The following ALCAM variants were observed in gnomAD, a reference collection of about 807,000 sequenced individuals.
ALCAM encodes the protein CD166 antigen.
Under a neutral mutation model 70.9 loss-of-function variants are expected in ALCAM, and 30 were observed. That is an observed-to-expected ratio of 0.42 (90% confidence interval 0.32 to 0.57). The LOEUF (loss-of-function observed/expected upper bound fraction) is 0.57. Ranked by LOEUF, ALCAM falls within the 20% of genes least tolerant of loss-of-function variation. The pLI, the probability that ALCAM is intolerant of heterozygous loss-of-function variation, is 0.11. For missense variants in ALCAM, 591 were observed against 695.1 expected (o/e 0.85, Z 1.68); for synonymous variants, 249 against 242.5 (o/e 1.03, Z -0.25).
chr3:105,488,629 G>C (rs1347321616), intron 1 of ALCAM, among the ~76,000 whole-genome samples: 1 of 149,206 alleles, frequency 6.7e-6, no homozygotes, highest in Non-Finnish European at 1.5e-5. Context: ...AGGAAGGAAG[G>C]TAGGAAGGAA....
chr3:105,383,297 A>G (rs935145433), intron 1 of ALCAM, among the ~76,000 whole-genome samples: 2 of 151,622 alleles, frequency 1.3e-5, no homozygotes, highest in African/African-American at 4.8e-5. Context: ...AGCTGTGTCT[A>G]CTTAATCTTT....
At chr3:105,470,352 CA>C (rs74893109) in intron 1 of ALCAM, among the ~76,000 whole-genome samples, 28,129 of 147,908 alleles carry the variant, frequency 0.19, 2,790 homozygotes, top group East Asian at 0.37. Flanking sequence ...CTTGATAACT[CA>C]AAAAAAAACA....
chr3:105,464,262 A>T (rs993104182), intron 1 of ALCAM, among the ~76,000 whole-genome samples: 4 of 151,424 alleles, frequency 2.6e-5, no homozygotes, highest in African/African-American at 9.7e-5. Flanking sequence ...TCAAATTTTT[A>T]AAATATTAAT....
At chr3:105,369,830 C>T (rs1935181060) in intron 1 of ALCAM, among the ~76,000 whole-genome samples, 1 of 152,162 alleles carries the variant, frequency 6.6e-6, no homozygotes, top group African/African-American at 2.4e-5. Flanking sequence ...TGCCACGTTA[C>T]CTGTTTTGAA....
intron 1 of ALCAM, among the ~76,000 whole-genome samples, chr3:105,469,108 G>C (rs1441338282): frequency 2.0e-5 from 3 of 151,112 alleles, no homozygotes; most frequent in African/African-American, 7.3e-5. Flanking sequence ...ATCATACACT[G>C]GATATTGTGA....
rs532299936 is a variant in ALCAM at position 105,422,666 on chromosome 3, C to T, written c.73+55185C>T. 1.1e-4 allele frequency among the ~76,000 whole-genome samples: 16 copies of T among 151,506 alleles called. No individual in the cohort carries two copies. The South Asian group carries it at 2.7e-3, about 26-fold the overall frequency. Reference sequence around the variant, plus strand: ...AGTATTGGATTTCTTTGTTGTATTACGGAGCAGAACATTCAATAATAATAA... The same window carrying T: ...AGTATTGGATTTCTTTGTTGTATTATGGAGCAGAACATTCAATAATAATAA... On this transcript the variant is annotated intron_variant, in intron 1 of 15. Coordinates refer to ENST00000306107, the MANE Select transcript of ALCAM (RefSeq NM_001627.4).
intron 4 of ALCAM, 99 bp downstream of exon 4, chr3:105,532,165 G>A (rs1229768906): frequency 9.7e-7 from 1 of 1,030,542 alleles, no homozygotes; most frequent in East Asian, 2.4e-5. Flanking sequence ...CTTTGCTCTT[G>A]TGGAGATGAC....
At chr3:105,432,549 G>GT (rs1936959687) in intron 1 of ALCAM, among the ~76,000 whole-genome samples, 1 of 151,858 alleles carries the variant, frequency 6.6e-6, no homozygotes, top group East Asian at 1.9e-4. Flanking sequence ...AAAGGTTTTT[G>GT]TTTTTTTAAT....
At chr3:105,397,208 G>A (rs1266670645) in intron 1 of ALCAM, among the ~76,000 whole-genome samples, 4 of 151,908 alleles carry the variant, frequency 2.6e-5, no homozygotes, top group Non-Finnish European at 5.9e-5. Flanking sequence ...TTATCTAACT[G>A]GCAATGTGAG....
intron 1 of ALCAM, among the ~76,000 whole-genome samples, chr3:105,474,696 A>C (rs187255523): frequency 2.2e-4 from 34 of 151,846 alleles, no homozygotes; most frequent in African/African-American, 6.5e-4. Context: ...AGTAAGTGAG[A>C]TCCATCTACT....
intron 1 of ALCAM, among the ~76,000 whole-genome samples, chr3:105,477,042 A>C (rs931328554): frequency 1.3e-5 from 2 of 152,078 alleles, no homozygotes; most frequent in African/African-American, 4.8e-5. Context: ...CCGTGTAAGA[A>C]GTGCCTTTTG....
intron 1 of ALCAM, among the ~76,000 whole-genome samples, chr3:105,436,608 T>C (rs1462298355): frequency 6.6e-6 from 1 of 152,232 alleles, no homozygotes; most frequent in Non-Finnish European, 1.5e-5. Flanking sequence ...ATTACAGGCA[T>C]GAGCCTGTAT....
At chr3:105,518,582 T>A (rs892992944) in intron 1 of ALCAM, among the ~76,000 whole-genome samples, 1 of 152,046 alleles carries the variant, frequency 6.6e-6, no homozygotes, top group Non-Finnish European at 1.5e-5. Context: ...AATAAAAAAA[T>A]TTCTTCATTT....
chr3:105,553,410 G>GGTTTTGCAATGTA (rs1360368303), intron 14 of ALCAM, among the ~76,000 whole-genome samples: 1 of 151,672 alleles, frequency 6.6e-6, no homozygotes, highest in Non-Finnish European at 1.5e-5. Context: ...TTCAAACATG[G>GGTTTTGCAATGTA]GTTTTAAACC....
At chr3:105,397,481 A>G (rs1436863340) in intron 1 of ALCAM, among the ~76,000 whole-genome samples, 1 of 151,938 alleles carries the variant, frequency 6.6e-6, no homozygotes, top group Non-Finnish European at 1.5e-5. Flanking sequence ...CCAAGTATAG[A>G]GATAATAGAT....
At chr3:105,557,827 G>C (rs1376775561) in intron 14 of ALCAM, among the ~76,000 whole-genome samples, 2 of 152,068 alleles carry the variant, frequency 1.3e-5, no homozygotes, top group Admixed American at 6.5e-5. Context: ...TTTCTTTGTA[G>C]AGTCTTAGAA....
intron 1 of ALCAM, among the ~76,000 whole-genome samples, chr3:105,505,740 A>G (rs1939055899): frequency 6.6e-6 from 1 of 152,228 alleles, no homozygotes; most frequent in East Asian, 1.9e-4. Context: ...TAAATAACTT[A>G]TTAAATTCTA....
intron 1 of ALCAM, chr3:105,440,848 A>C (rs1273425685): frequency 2.0e-5 from 3 of 152,146 alleles, no homozygotes; most frequent in Non-Finnish European, 4.4e-5. Flanking sequence ...TATATTTTTC[A>C]GGCATTGAAG....
intron 1 of ALCAM, among the ~76,000 whole-genome samples, chr3:105,417,143 C>T (rs13070790): frequency 0.26 from 39,530 of 151,702 alleles, 5,630 homozygotes; most frequent in Admixed American, 0.45. Context: ...CACTTCCACC[C>T]GAGACATTCA....
Sources: allele counts gnomAD v4.1 joint callset (sites outside exome capture counted in the v4.1 genomes callset), GRCh38; gene constraint gnomAD v4.1.1; transcripts MANE v1.5; gene names NCBI Gene and HGNC (gene_info 2026-07-23, HGNC 2026-07-21).